The following TENM4 variants were observed in gnomAD, a reference collection of about 807,000 sequenced individuals.
The protein encoded by TENM4 is teneurin transmembrane protein 4.
TENM4 carries 82 observed loss-of-function variants against 243.3 expected under a neutral mutation model. That is an observed-to-expected ratio of 0.34 (90% confidence interval 0.28 to 0.40). The LOEUF is 0.40. TENM4 is among the 10% of genes least tolerant of loss of function. The pLI, the probability that TENM4 is intolerant of heterozygous loss-of-function variation, is 1.00. For missense variants in TENM4, 3,138 were observed against 3,673.3 expected, an observed-to-expected ratio of 0.85 and a Z score of 3.77; for synonymous variants, 1,412 against 1,456.3, an observed-to-expected ratio of 0.97 and a Z score of 0.69.
intron 4 of TENM4, among the ~76,000 whole-genome samples, chr11:79,146,969 A>C (rs955536814): frequency 6.6e-6 from 1 of 152,120 alleles, no homozygotes. Flanking sequence ...ATTCACACAC[A>C]TATGCACAAA....
chr11:79,061,161 A>C (rs943774216), intron 6 of TENM4, among the ~76,000 whole-genome samples: 3 of 152,190 alleles, frequency 2.0e-5, no homozygotes, highest in African/African-American at 7.2e-5. Flanking sequence ...TTGGGGAGAT[A>C]ATAGTGTAAG....
chr11:79,209,885 C>A (rs969736248), intron 3 of TENM4, among the ~76,000 whole-genome samples: 11 of 152,226 alleles, frequency 7.2e-5, no homozygotes, highest in Non-Finnish European at 1.3e-4. Context: ...ATGTCCTTCT[C>A]TGCATTGCAG....
In TENM4 at chr11:79,396,041, G is replaced by C. The variant is rs112556352; in HGVS notation, c.-321+44468C>G. Among the ~76,000 whole-genome samples the C allele has an allele frequency of 8.8e-3, 1,339 of 152,242 alleles. 22 individuals carry two copies. The highest frequency in any genetic ancestry group is 0.031 in the African/African-American group (1,280 of 41,550). On this transcript the variant is annotated intron_variant, in intron 1 of 33. Coordinates refer to ENST00000278550, the MANE Select transcript of TENM4 (RefSeq NM_001098816.3). ...TGTGCAACAAACATCAAGTCCTCAT[G>C]CATTTATTTTCCTGGATGCACCTTT... is the stretch of plus-strand genomic sequence containing the variant.
intron 1 of TENM4, among the ~76,000 whole-genome samples, chr11:79,358,071 C>T (rs940452932): frequency 1.3e-5 from 2 of 152,152 alleles, no homozygotes; most frequent in African/African-American, 4.8e-5. Flanking sequence ...GGCTACCCCC[C>T]AAAATATCAC....
At chr11:79,297,989 A>C (rs1009004638) in intron 1 of TENM4, among the ~76,000 whole-genome samples, 14 of 152,020 alleles carry the variant, frequency 9.2e-5, no homozygotes, top group Middle Eastern at 3.4e-3. Context: ...GAGGCTATCA[A>C]GATATCCCAT....
intron 6 of TENM4, among the ~76,000 whole-genome samples, chr11:79,024,488 G>A (rs1474426950): frequency 1.3e-5 from 2 of 152,220 alleles, no homozygotes; most frequent in African/African-American, 2.4e-5. Context: ...GAGTAAGCAT[G>A]TAACTCAATG....
intron 3 of TENM4, among the ~76,000 whole-genome samples, chr11:79,172,543 T>C (rs556398287): frequency 2.0e-5 from 3 of 152,288 alleles, no homozygotes; most frequent in African/African-American, 4.8e-5. Context: ...GCTAACCCTA[T>C]CTGCAAGTTA....
chr11:78,784,024 T>C (rs1856887363), intron 16 of TENM4, among the ~76,000 whole-genome samples: 2 of 152,178 alleles, frequency 1.3e-5, no homozygotes, highest in African/African-American at 4.8e-5. Context: ...GGCCCTCTTT[T>C]TTTGCTTCCA....
chr11:79,316,699 G>A (rs1156253142), intron 1 of TENM4, among the ~76,000 whole-genome samples: 1 of 152,228 alleles, frequency 6.6e-6, no homozygotes, highest in South Asian at 2.1e-4. Context: ...AGCCCCAGGA[G>A]CAGTGGTAGA....
intron 2 of TENM4, among the ~76,000 whole-genome samples, chr11:79,288,018 G>A (rs1394676091): frequency 6.6e-6 from 1 of 152,184 alleles, no homozygotes; most frequent in Admixed American, 6.5e-5. Context: ...TGGTTTCAAT[G>A]GAACTGGCCC....
chr11:78,857,027 G>A (rs1565409375), intron 10 of TENM4, among the ~76,000 whole-genome samples: 1 of 152,250 alleles, frequency 6.6e-6, no homozygotes, highest in East Asian at 1.9e-4. Context: ...TGCAAGCAAG[G>A]AAGGCAGCTT....
At chr11:78,976,407 A>C (rs547280016) in intron 6 of TENM4, among the ~76,000 whole-genome samples, 1 of 152,178 alleles carries the variant, frequency 6.6e-6, no homozygotes, top group African/African-American at 2.4e-5. Flanking sequence ...TATTTCAATA[A>C]AAAGTTTAAA....
intron 2 of TENM4, among the ~76,000 whole-genome samples, chr11:79,232,008 A>C (rs537962203): frequency 6.6e-6 from 1 of 152,328 alleles, no homozygotes; most frequent in East Asian, 1.9e-4. Flanking sequence ...TGAACCCAGG[A>C]GGTGGAGATT....
chr11:79,155,946 A>G (rs535580846), intron 3 of TENM4, among the ~76,000 whole-genome samples: 1 of 152,066 alleles, frequency 6.6e-6, no homozygotes, highest in South Asian at 2.1e-4. Flanking sequence ...CCTGCCAGCC[A>G]TCCCATCCTT....
rs556611021 is a variant in TENM4, at chr11:78,939,608, A to G, written c.494-36085T>C. 2.6e-5 allele frequency among the ~76,000 whole-genome samples: 4 copies of G among 152,290 alleles called. No homozygotes were observed. In the East Asian group the frequency reaches 7.7e-4, roughly 29 times the overall value. ...TTCTTGACCCCCACATAGAGAATTA[A>G]TCTCTCCATTCTCTATGTTCCCATA... is the stretch of plus-strand genomic sequence containing the variant. On this transcript the variant is annotated intron_variant, in intron 6 of 33. Coordinates refer to ENST00000278550, the MANE Select transcript of TENM4 (RefSeq NM_001098816.3).
At chr11:79,402,699 C>G (rs1858487271) in intron 1 of TENM4, among the ~76,000 whole-genome samples, 1 of 152,202 alleles carries the variant, frequency 6.6e-6, no homozygotes, top group African/African-American at 2.4e-5. Context: ...ATTTCACCTA[C>G]TTCCCTCTTC....
At chr11:78,891,608 G>C (rs748065819) in intron 7 of TENM4, among the ~76,000 whole-genome samples, 2 of 152,166 alleles carry the variant, frequency 1.3e-5, no homozygotes, top group African/African-American at 4.8e-5. Context: ...ACATGTGTCC[G>C]GGACTGAGCT....
At chr11:78,909,646 G>A (rs191006048) in intron 6 of TENM4, among the ~76,000 whole-genome samples, 2 of 152,376 alleles carry the variant, frequency 1.3e-5, no homozygotes, top group Non-Finnish European at 2.9e-5. Context: ...GGTATGGAGG[G>A]CAGCTGCCAG....
chr11:79,328,171 G>A (rs1296108998), intron 1 of TENM4, among the ~76,000 whole-genome samples: 1 of 152,236 alleles, frequency 6.6e-6, no homozygotes, highest in Non-Finnish European at 1.5e-5. Context: ...TTTAGGCTCA[G>A]TATTTTGCAT....
Sources: allele counts gnomAD v4.1 joint callset (sites outside exome capture counted in the v4.1 genomes callset), GRCh38; gene constraint gnomAD v4.1.1; transcripts MANE v1.5; gene names NCBI Gene and HGNC (gene_info 2026-07-23, HGNC 2026-07-21).